VWA3B: variants seen among roughly 807,000 people sequenced by gnomAD.
VWA3B encodes the protein von Willebrand factor A domain-containing protein 3B.
A neutral mutation model predicts 158.3 loss-of-function variants in VWA3B; 138 were observed. The ratio of observed to expected loss-of-function variants is 0.87; its 90% CI spans 0.76 to 1.00. VWA3B has a LOEUF of 1.00. Among genes scored for constraint, VWA3B ranks in the 50% least tolerant of loss-of-function variants. VWA3B has a pLI of 0.00. For synonymous variants in VWA3B, 596 were observed against 587.3 expected (o/e 1.01, Z -0.21); for missense variants, 1,555 against 1,565.1 (o/e 0.99, Z 0.11).
chr2:98,242,702 C>G (rs1686156500), intron 19 of VWA3B, among the ~76,000 whole-genome samples: 1 of 147,452 alleles, frequency 6.8e-6, no homozygotes, highest in South Asian at 2.3e-4. Flanking sequence ...GCTCCCTAAT[C>G]TAGTATGCAG....
At chr2:98,148,787 A>G (rs1677374273) in intron 7 of VWA3B, among the ~76,000 whole-genome samples, 1 of 152,162 alleles carries the variant, frequency 6.6e-6, no homozygotes, top group South Asian at 2.1e-4. Context: ...CTTCTATATG[A>G]CACTTGCTCC....
At position 98,312,536 on chromosome 2, in the gene VWA3B, C is replaced by T; in HGVS notation, c.*187C>T. 5.9e-6 allele frequency: 4 copies of T among 677,712 alleles called. No individual in the cohort carries two copies. The South Asian group carries it at 1.1e-4, about 18-fold the overall frequency. The allele number at this position is 677,712 out of a possible 1,614,324, so 42.0% of individuals were successfully genotyped here. A position where few individuals can be genotyped will look rare whatever the true frequency, so the allele number is the denominator to read the frequency against. On this transcript the variant is annotated 3_prime_UTR_variant, in exon 28 of 28. Transcript: ENST00000477737. ...GCTGCCTCCCCTACCCGTTTGACGA[C>T]TTGGTTCTGGCTTTTTCTGACTGTT...
chr2:98,296,100 G>A (rs1368238694), intron 23 of VWA3B, among the ~76,000 whole-genome samples: 1 of 152,174 alleles, frequency 6.6e-6, no homozygotes, highest in Non-Finnish European at 1.5e-5. Flanking sequence ...AGGCTTCGTC[G>A]GCTACACAGG....
chr2:98,293,833 G>T (rs188007599), intron 23 of VWA3B, among the ~76,000 whole-genome samples: 1 of 152,030 alleles, frequency 6.6e-6, no homozygotes, highest in African/African-American at 2.4e-5. Flanking sequence ...TTTGTTAATT[G>T]TCCCAATAAT....
chr2:98,246,442 A>G (rs1466711561), intron 19 of VWA3B, among the ~76,000 whole-genome samples: 2 of 151,908 alleles, frequency 1.3e-5, no homozygotes, highest in African/African-American at 2.4e-5. Flanking sequence ...CAGTGGTGCA[A>G]TCTCGGCTCA....
chr2:98,123,958 C>G (rs1005894616), intron 5 of VWA3B, among the ~76,000 whole-genome samples: 1 of 152,220 alleles, frequency 6.6e-6, no homozygotes, highest in African/African-American at 2.4e-5. Context: ...TGTTCTTAGC[C>G]TCTCTTCTAT....
intron 9 of VWA3B, among the ~76,000 whole-genome samples, chr2:98,185,948 C>G (rs559011944): frequency 2.6e-5 from 4 of 152,138 alleles, no homozygotes; most frequent in African/African-American, 9.7e-5. Flanking sequence ...ATTCCTCAGT[C>G]GAGTTGTATA....
Position 98,217,918 on chromosome 2 carries a change from A to C in VWA3B, c.1909A>C (p.Asn637His). Reference protein sequence around the residue: ...IPIYTISFNYNDEIANRFLKE... With the variant: ...IPIYTISFNYHDEIANRFLKE... ...TATTTATACCATCTCCTTCAATTAC[A>C]ATGATGAGATTGCAAACAGGTTTTT... Residue 637 changes from asparagine to histidine, a missense_variant, in exon 14 of 28, where the codon AAT becomes CAT. By Grantham distance (68) the Asn-to-His change is moderately conservative. Coordinates refer to ENST00000477737, the MANE Select transcript of VWA3B (RefSeq NM_144992.5). 1 of 1,613,386 alleles carries C rather than the reference A, an allele frequency of 6.2e-7. No homozygotes were observed. The highest frequency in any genetic ancestry group is 1.3e-5 in the African/African-American group (1 of 74,918).
intron 7 of VWA3B, among the ~76,000 whole-genome samples, chr2:98,152,772 C>T (rs1427715053): frequency 2.0e-5 from 3 of 152,220 alleles, no homozygotes; most frequent in African/African-American, 7.2e-5. Flanking sequence ...GTGGACTTTT[C>T]TGAGATGGTG....
chr2:98,236,260 A>G, intron 17 of VWA3B, 130 bp from the exon 18 acceptor site: 1 of 1,003,022 alleles, frequency 1.0e-6, no homozygotes, highest in East Asian at 2.4e-5. Context: ...AAATCAGGAT[A>G]TGTTCTCTGA....
chr2:98,216,898 C>G, intron 13 of VWA3B: 3 of 1,291,900 alleles, frequency 2.3e-6, no homozygotes, highest in Non-Finnish European at 3.1e-6. Flanking sequence ...AAGCCCAAGT[C>G]TCTCGCTCTG....
At chr2:98,208,493 G>C (rs1406272956) in intron 12 of VWA3B, among the ~76,000 whole-genome samples, 1 of 151,796 alleles carries the variant, frequency 6.6e-6, no homozygotes, top group Non-Finnish European at 1.5e-5. Flanking sequence ...GTTTCATTTT[G>C]ATTTATTTAC....
At chr2:98,289,604 C>T (rs192096113) in intron 22 of VWA3B, among the ~76,000 whole-genome samples, 12 of 152,278 alleles carry the variant, frequency 7.9e-5, no homozygotes, top group Admixed American at 3.3e-4. Flanking sequence ...TGTGAGACAG[C>T]GATCATAAAG....
chr2:98,264,174 C>CA (rs376423860), intron 21 of VWA3B, among the ~76,000 whole-genome samples: 39 of 148,176 alleles, frequency 2.6e-4, no homozygotes, highest in East Asian at 1.2e-3. Flanking sequence ...TAGGTCTTTT[C>CA]AAAAAAAAAC....
At chr2:98,207,218 G>C in intron 12 of VWA3B, 1 of 544,176 alleles carries the variant, frequency 1.8e-6, no homozygotes, top group Admixed American at 2.0e-5. Flanking sequence ...TATCACCTCT[G>C]TACAGGCTAT....
intron 1 of VWA3B, 53 bp from the exon 2 acceptor site, chr2:98,093,008 G>A (rs948402004): frequency 1.9e-5 from 26 of 1,341,592 alleles, no homozygotes; most frequent in South Asian, 1.5e-4. Flanking sequence ...CCCTGTTGAC[G>A]TTAGATGATT....
At chr2:98,279,012 A>C (rs528558649) in intron 22 of VWA3B, among the ~76,000 whole-genome samples, 1 of 152,308 alleles carries the variant, frequency 6.6e-6, no homozygotes, top group South Asian at 2.1e-4. Flanking sequence ...ATGGTTTAGC[A>C]TCTGGAAGTG....
chr2:98,253,803 CAAT>C (rs1686950678), intron 20 of VWA3B, among the ~76,000 whole-genome samples: 2 of 152,094 alleles, frequency 1.3e-5, no homozygotes, highest in Non-Finnish European at 2.9e-5. Flanking sequence ...CTACAAAAAA[CAAT>C]GAGGGAAACT....
chr2:98,211,881 A>G, intron 12 of VWA3B, 49 bp from the exon 13 acceptor site: 2 of 1,506,778 alleles, frequency 1.3e-6, no homozygotes, highest in Non-Finnish European at 1.8e-6. Flanking sequence ...TTGTTTGTGA[A>G]TTCTTTTTTG....
Sources: allele counts gnomAD v4.1 joint callset (sites outside exome capture counted in the v4.1 genomes callset), GRCh38; gene constraint gnomAD v4.1.1; transcripts MANE v1.5; gene names NCBI Gene and HGNC (gene_info 2026-07-23, HGNC 2026-07-21).